PPP2R1B: variants seen among roughly 807,000 people sequenced by gnomAD.
PPP2R1B encodes the protein serine/threonine-protein phosphatase 2A 65 kDa regulatory subunit A beta isoform.
A neutral mutation model predicts 72.7 loss-of-function variants in PPP2R1B; 58 were observed. The ratio of observed to expected loss-of-function variants is 0.80; its 90% confidence interval spans 0.65 to 0.99. PPP2R1B has a LOEUF of 0.99. Among genes scored for constraint, PPP2R1B ranks in the 50% least tolerant of loss-of-function variants. The probability of loss-of-function intolerance (pLI) is 0.00; values close to 1 mark genes in which losing one functional copy is unlikely to be tolerated. For synonymous variants in PPP2R1B, 256 were observed against 264.6 expected (o/e 0.97, Z 0.32); for missense variants, 695 against 733.6 (o/e 0.95, Z 0.61).
chr11:111,717,372 GCAAAT>G, the PPP2R1B span, among the ~76,000 whole-genome samples: 1 of 126,320 alleles, frequency 7.9e-6, no homozygotes, highest in Admixed American at 8.4e-5. Context: ...TTAGAGAAAT[GCAAAT>G]CAAAACCACA....
chr11:111,741,912 A>T (rs903493971), intron 14 of PPP2R1B, 141 bp downstream of exon 14: 13 of 846,296 alleles, frequency 1.5e-5, no homozygotes, highest in Non-Finnish European at 2.4e-5. Context: ...AATCAGAGAG[A>T]CACCAGCATT....
chr11:111,695,182 G>A, the PPP2R1B span, among the ~76,000 whole-genome samples: 1 of 152,180 alleles, frequency 6.6e-6, no homozygotes, highest in African/African-American at 2.4e-5. Context: ...CAAAGGATGT[G>A]TAACTCTTCA....
chr11:111,720,954 A>G, the PPP2R1B span: 1 of 1,614,210 alleles, frequency 6.2e-7, no homozygotes, highest in Non-Finnish European at 8.5e-7. Context: ...AAGGAATTCT[A>G]GAGTTGAACA....
chr11:111,709,735 GA>G, the PPP2R1B span, among the ~76,000 whole-genome samples: 2 of 152,164 alleles, frequency 1.3e-5, no homozygotes, highest in African/African-American at 4.8e-5. Context: ...GTGATCACAA[GA>G]CTCCTAAAAC....
intron 3 of PPP2R1B, among the ~76,000 whole-genome samples, chr11:111,762,782 CCTG>C (rs1945375537): frequency 6.6e-6 from 1 of 152,114 alleles, no homozygotes; most frequent in Admixed American, 6.6e-5. Context: ...AAGCAATCCT[CCTG>C]CTGCTTTGGC....
the PPP2R1B span, among the ~76,000 whole-genome samples, chr11:111,719,274 T>C: frequency 1.3e-5 from 2 of 152,044 alleles, no homozygotes; most frequent in Non-Finnish European, 2.9e-5. Flanking sequence ...GGGCAGGTAC[T>C]TAAATTTTGA....
intron 3 of PPP2R1B, chr11:111,761,286 T>C (rs1459534503): frequency 9.2e-6 from 6 of 649,674 alleles, no homozygotes; most frequent in African/African-American, 8.9e-5. Context: ...AATTCCCAGA[T>C]GGTGTCTACA....
downstream of PPP2R1B, among the ~76,000 whole-genome samples, chr11:111,736,836 C>T (rs767815651): frequency 1.2e-4 from 19 of 152,160 alleles, no homozygotes; most frequent in Non-Finnish European, 2.2e-4. Flanking sequence ...GTCTGGCATC[C>T]GCACGAGGCA....
chr11:111,741,659 G>T, intron 14 of PPP2R1B, 47 bp from the exon 15 acceptor site: 2 of 1,583,402 alleles, frequency 1.3e-6, no homozygotes, highest in South Asian at 2.2e-5. Context: ...GAAAGTTCAC[G>T]AACGATCTAT....
chr11:111,721,757 G>A, the PPP2R1B span: 1 of 1,166,096 alleles, frequency 8.6e-7, no homozygotes, highest in East Asian at 2.4e-5. Flanking sequence ...CATTGCAAAG[G>A]TGCTTCAGCT....
At chr11:111,749,565 G>A (rs572264610) in intron 10 of PPP2R1B, among the ~76,000 whole-genome samples, 33 of 152,088 alleles carry the variant, frequency 2.2e-4, no homozygotes, top group African/African-American at 7.7e-4. Context: ...GATTACAAGC[G>A]TGAGCCACTA....
chr11:111,722,875 G>C (rs970506603), downstream of PPP2R1B: 6 of 875,974 alleles, frequency 6.8e-6, no homozygotes, highest in Non-Finnish European at 1.1e-5. The surrounding 1 kb of genome is among the most constrained non-coding windows in gnomAD (Gnocchi z 4.4). Context: ...TTTTCTGCGT[G>C]TGTCACAGGC....
At chr11:111,693,331 CA>C in the PPP2R1B span, among the ~76,000 whole-genome samples, 132 of 93,612 alleles carry the variant, frequency 1.4e-3, no homozygotes, top group South Asian at 2.4e-3. Flanking sequence ...GACTCCGTCT[CA>C]AAAAAAAAAA....
intron 11 of PPP2R1B, among the ~76,000 whole-genome samples, chr11:111,744,775 A>G (rs1044890320): frequency 1.3e-5 from 2 of 152,196 alleles, no homozygotes; most frequent in Non-Finnish European, 2.9e-5. Flanking sequence ...TCTTCTATTC[A>G]TAGATCCTTC....
rs190477202 is a variant in PPP2R1B at position 111,727,116 on chromosome 11, G to A, written c.1912-59C>T. On this transcript the variant is annotated intron_variant, in intron 15 of 15. Transcript: ENST00000311129. ...AGAGGGGGCCCACTTTCACATTCCC[G>A]GTGACACTGACCGTCCCCAGCTGCC... The A allele has an allele frequency of 1.7e-4, 248 of 1,472,152 alleles. No individual in the cohort carries two copies. The African/African-American group carries it at 2.4e-3, about 14-fold the overall frequency. 91.2% of individuals were successfully genotyped at this position (1,472,152 alleles called of 1,614,324 possible). A position where few individuals can be genotyped will look rare whatever the true frequency, so the allele number is the denominator to read the frequency against.
chr11:111,693,405 C>CCATGAGA, the PPP2R1B span, among the ~76,000 whole-genome samples: 1 of 151,780 alleles, frequency 6.6e-6, no homozygotes, highest in Admixed American at 6.6e-5. Context: ...ATTGCCTCAA[C>CCATGAGA]CATGAGACCT....
At chr11:111,758,159 C>T (rs1370490745) in intron 5 of PPP2R1B, among the ~76,000 whole-genome samples, 3 of 152,144 alleles carry the variant, frequency 2.0e-5, no homozygotes, top group African/African-American at 4.8e-5. Flanking sequence ...AAATTTTGGT[C>T]GAATACAAAT....
chr11:111,705,109 T>C, the PPP2R1B span: 1 of 1,591,906 alleles, frequency 6.3e-7, no homozygotes, highest in Non-Finnish European at 8.5e-7. The surrounding 1 kb of genome is among the most constrained non-coding windows in gnomAD (Gnocchi z 4.3). Flanking sequence ...AGCGTCGGCC[T>C]AGCACCATTG....
At chr11:111,697,546 A>G in the PPP2R1B span, among the ~76,000 whole-genome samples, 1 of 152,354 alleles carries the variant, frequency 6.6e-6, no homozygotes. Context: ...CATGAAATGT[A>G]AGTGTTGTCC....
Sources: allele counts gnomAD v4.1 joint callset (sites outside exome capture counted in the v4.1 genomes callset), GRCh38; gene constraint gnomAD v4.1.1; non-coding constraint Gnocchi (gnomAD v3.1); transcripts MANE v1.5; gene names NCBI Gene and HGNC (gene_info 2026-07-23, HGNC 2026-07-21).